The following CDC42BPA variants were observed in gnomAD, a reference collection of about 807,000 sequenced individuals.
CDC42BPA encodes the protein CDC42 binding protein kinase alpha.
Under a neutral mutation model 223.5 loss-of-function variants are expected in CDC42BPA, and 80 were observed. That is an observed-to-expected ratio of 0.36 (90% CI 0.30 to 0.43). CDC42BPA has a LOEUF of 0.43. Among genes scored for constraint, CDC42BPA ranks in the 20% least tolerant of loss-of-function variants. CDC42BPA has a pLI of 1.00. For missense variants in CDC42BPA, 1,743 were observed against 2,099.9 expected (o/e 0.83, Z 3.32); for synonymous variants, 694 against 718.6 (o/e 0.97, Z 0.55).
In CDC42BPA at chr1:227,163,643, C is replaced by T. The variant is rs974548874; in HGVS notation, c.600-3007G>A. ...TTAATCTTCAGGGATTCTATTTACT[C>T]GAACTTAGTTCTTCATGATGTGTTA... On this transcript the variant is annotated intron_variant, in intron 5 of 36. Transcript: ENST00000366766. Among the ~76,000 whole-genome samples, 9 of 151,544 alleles carry T rather than the reference C, an allele frequency of 5.9e-5. No homozygotes were observed. In the East Asian group the frequency reaches 9.6e-4, roughly 16 times the overall value.
At chr1:227,231,056 T>C (rs1159659386) in intron 2 of CDC42BPA, among the ~76,000 whole-genome samples, 1 of 152,034 alleles carries the variant, frequency 6.6e-6, no homozygotes, top group Non-Finnish European at 1.5e-5. Flanking sequence ...TACATATGTA[T>C]ACATGTGCCA....
chr1:227,294,012 C>A (rs372981200), intron 1 of CDC42BPA, among the ~76,000 whole-genome samples: 2 of 152,046 alleles, frequency 1.3e-5, no homozygotes, highest in East Asian at 1.9e-4. Flanking sequence ...TGGCTCACAC[C>A]TGTAATCCCA....
At chr1:227,136,147 CAG>C (rs914330347) in intron 10 of CDC42BPA, among the ~76,000 whole-genome samples, 5 of 151,496 alleles carry the variant, frequency 3.3e-5, no homozygotes, top group East Asian at 1.9e-4. Flanking sequence ...TTAAAGAAAA[CAG>C]AGAAAAAAAT....
intron 20 of CDC42BPA, 45 bp downstream of exon 20, chr1:227,072,163 A>T: frequency 4.0e-6 from 4 of 1,012,452 alleles, no homozygotes; most frequent in Non-Finnish European, 4.5e-6. Context: ...ATATATTTAT[A>T]ACATAACAGT....
At chr1:227,112,456 G>A in intron 13 of CDC42BPA, 34 bp from the exon 14 acceptor site, 9 of 1,452,678 alleles carry the variant, frequency 6.2e-6, no homozygotes, top group Non-Finnish European at 6.5e-6. Flanking sequence ...AGATTTCACG[G>A]TTATAATTTT....
intron 2 of CDC42BPA, among the ~76,000 whole-genome samples, chr1:227,216,235 C>G (rs1674822334): frequency 1.3e-5 from 2 of 152,004 alleles, no homozygotes; most frequent in Admixed American, 1.3e-4. Context: ...TCTACATTTT[C>G]TATATAAAAC....
chr1:227,289,888 C>CAAAAA (rs10629910), intron 1 of CDC42BPA, among the ~76,000 whole-genome samples: 1 of 121,074 alleles, frequency 8.3e-6, no homozygotes, highest in Non-Finnish European at 1.7e-5. Context: ...CCTGTCTCTA[C>CAAAAA]AAAAAAAAAA....
intron 1 of CDC42BPA, among the ~76,000 whole-genome samples, chr1:227,258,397 T>C (rs1683472459): frequency 6.6e-6 from 1 of 150,888 alleles, no homozygotes; most frequent in Admixed American, 6.6e-5. Context: ...AAATTATACC[T>C]ATTGACTATT....
intron 10 of CDC42BPA, among the ~76,000 whole-genome samples, chr1:227,137,565 T>C (rs888824787): frequency 7.2e-5 from 11 of 152,002 alleles, no homozygotes; most frequent in Admixed American, 7.2e-4. Context: ...ATAAGTATAT[T>C]TGCACGAACT....
chr1:227,060,792 G>A (rs1008648815), intron 21 of CDC42BPA, among the ~76,000 whole-genome samples: 1 of 143,660 alleles, frequency 7.0e-6, no homozygotes, highest in Non-Finnish European at 1.5e-5. Flanking sequence ...TGCGATCTCG[G>A]CTCACTGCAA....
At chr1:227,110,796 G>A (rs986895065) in intron 14 of CDC42BPA, among the ~76,000 whole-genome samples, 1 of 152,136 alleles carries the variant, frequency 6.6e-6, no homozygotes, top group Non-Finnish European at 1.5e-5. Flanking sequence ...ATGAATTCAT[G>A]ATGAACTAAA....
At chr1:227,246,337 G>T (rs1042952597) in intron 2 of CDC42BPA, among the ~76,000 whole-genome samples, 3 of 152,102 alleles carry the variant, frequency 2.0e-5, no homozygotes, top group Non-Finnish European at 2.9e-5. Flanking sequence ...AACTAGAATC[G>T]CAGGCTACCA....
intron 35 of CDC42BPA, among the ~76,000 whole-genome samples, chr1:226,999,178 A>G (rs1572150461): frequency 7.8e-6 from 1 of 128,088 alleles, no homozygotes; most frequent in East Asian, 2.1e-4. Context: ...AAATAGGAAC[A>G]CTTTTTTTTT....
At chr1:227,137,678 C>CAAA (rs34947627) in intron 10 of CDC42BPA, among the ~76,000 whole-genome samples, 1 of 144,380 alleles carries the variant, frequency 6.9e-6, no homozygotes, top group Admixed American at 6.9e-5. Context: ...AACAGCAGTA[C>CAAA]AAAAAAAAAA....
At chr1:227,100,747 AGTGTGTGTGTGTGTGT>A (rs57210205) in intron 15 of CDC42BPA, among the ~76,000 whole-genome samples, 12 of 137,326 alleles carry the variant, frequency 8.7e-5, no homozygotes, top group East Asian at 2.2e-4. Flanking sequence ...ATACCCAGCT[AGTGTGTGTGTGTGTGT>A]GTGTGTGTGT....
chr1:227,058,594 G>A (rs1675087821), intron 21 of CDC42BPA, among the ~76,000 whole-genome samples: 1 of 152,098 alleles, frequency 6.6e-6, no homozygotes, highest in Non-Finnish European at 1.5e-5. Flanking sequence ...ATGTATGTGT[G>A]TTTATGACTA....
rs1660934130 is a variant in CDC42BPA, at chr1:226,992,981, G to C, written c.*1287C>G. ...ACATCCATTTTCCACTGGCTATGGGGAATAATATTTGGTTAAGGCTGTTGA... is the reference window on the plus strand; with the variant it reads ...ACATCCATTTTCCACTGGCTATGGGCAATAATATTTGGTTAAGGCTGTTGA... On this transcript the variant is annotated 3_prime_UTR_variant, in exon 37 of 37. Transcript: ENST00000366766. 6.6e-6 allele frequency: 1 copy of C among 152,220 alleles called. No individual in the cohort carries two copies. The allele number at this position is 152,220 out of a possible 1,614,324, so 9.4% of individuals were successfully genotyped here.
chr1:227,257,778 T>C (rs1221348722), intron 1 of CDC42BPA, among the ~76,000 whole-genome samples: 3 of 150,196 alleles, frequency 2.0e-5, no homozygotes, highest in African/African-American at 7.5e-5. Context: ...GAAAACTTTT[T>C]TAAAAATCAC....
rs187453141 is a variant in CDC42BPA at position 227,284,011 on chromosome 1, G to A, written c.179-29856C>T. Among the ~76,000 whole-genome samples, 20 of 152,202 alleles carry A rather than the reference G, an allele frequency of 1.3e-4. No homozygotes were observed. In the East Asian group the frequency reaches 3.5e-3, roughly 27 times the overall value. On this transcript the variant is annotated intron_variant, in intron 1 of 36. Transcript: ENST00000366766. The stretch of plus-strand genomic sequence containing the variant: ...GGTGGAGTGGGCTGCAGTGAGACAA[G>A]ATCACACCACTGCACTCCAGTCTGG...
Sources: allele counts gnomAD v4.1 joint callset (sites outside exome capture counted in the v4.1 genomes callset), GRCh38; gene constraint gnomAD v4.1.1; transcripts MANE v1.5; gene names NCBI Gene and HGNC (gene_info 2026-07-23, HGNC 2026-07-21).